Variants in ARPC2 observed in about 807,000 individuals in gnomAD.
ARPC2 encodes the protein actin-related protein 2/3 complex subunit 2.
ARPC2 carries 4 observed loss-of-function variants against 38.6 expected under a neutral mutation model. The observed-to-expected ratio is 0.10, with a 90% CI of 0.05 to 0.24. The LOEUF (loss-of-function observed/expected upper bound fraction) is 0.24. ARPC2 is among the 10% of genes least tolerant of loss of function. The pLI is 1.00. For missense variants in ARPC2, 229 were observed against 387.3 expected (o/e 0.59, Z 3.43); for synonymous variants, 125 against 140.8 (o/e 0.89, Z 0.79).
chr2:218,238,267 G>A (rs553149306), intron 5 of ARPC2, among the ~76,000 whole-genome samples: 1 of 152,252 alleles, frequency 6.6e-6, no homozygotes, highest in East Asian at 1.9e-4. Flanking sequence ...AGAAATATAT[G>A]TGGCTCCTTT....
At chr2:218,251,267 A>C (rs1484615506) in intron 10 of ARPC2, among the ~76,000 whole-genome samples, 2 of 152,202 alleles carry the variant, frequency 1.3e-5, no homozygotes, top group Non-Finnish European at 2.9e-5. Flanking sequence ...GCTGGAGTGC[A>C]GAGGCACAAT....
intron 7 of ARPC2, among the ~76,000 whole-genome samples, chr2:218,240,244 C>T (rs75266204): frequency 0.023 from 3,535 of 152,122 alleles, 112 homozygotes; most frequent in African/African-American, 0.079. Context: ...TGAGCCACCG[C>T]GCCCAGCCTG....
At chr2:218,217,404 C>A in intron 1 of ARPC2, 59 bp from the exon 2 acceptor site, 1 of 1,545,746 alleles carries the variant, frequency 6.5e-7, no homozygotes, top group Non-Finnish European at 8.9e-7. Context: ...CCGCTCCCTC[C>A]GTCCTTGCCT....
Position 218,243,623 on chromosome 2 carries a change from A to G in ARPC2, c.550-1797A>G, listed in dbSNP as rs1273282586. 2.6e-5 allele frequency among the ~76,000 whole-genome samples: 4 copies of G among 152,218 alleles called. No individual in the cohort carries two copies. The East Asian group carries it at 5.8e-4, about 22-fold the overall frequency. ...AACCCTGTTTCTACTTTAAAGGCCA[A>G]AAATTAGCCGGGAATGATGGCACAC... On this transcript the variant is annotated intron_variant, in intron 7 of 10. Coordinates refer to ENST00000315717, the MANE Select transcript of ARPC2 (RefSeq NM_152862.3).
At chr2:218,250,917 G>A (rs568743130) in intron 10 of ARPC2, among the ~76,000 whole-genome samples, 91 of 152,178 alleles carry the variant, frequency 6.0e-4, no homozygotes, top group African/African-American at 2.1e-3. Context: ...GCCCAGGCTG[G>A]AGTGCAGTGG....
chr2:218,224,786 G>GT (rs939179356), intron 2 of ARPC2, among the ~76,000 whole-genome samples: 6 of 152,154 alleles, frequency 3.9e-5, no homozygotes, highest in South Asian at 2.1e-4. Flanking sequence ...ATAGAAGCCA[G>GT]TTTTTTTGAA....
At chr2:218,233,164 CAATAAT>C (rs1311606468) in intron 4 of ARPC2, 1 of 151,828 alleles carries the variant, frequency 6.6e-6, no homozygotes, top group Non-Finnish European at 1.5e-5. Flanking sequence ...GCTTCCAAAA[CAATAAT>C]AATAATCGTA....
At chr2:218,251,273 A>G (rs2106161346) in intron 10 of ARPC2, among the ~76,000 whole-genome samples, 1 of 152,298 alleles carries the variant, frequency 6.6e-6, no homozygotes, top group South Asian at 2.1e-4. Flanking sequence ...GTGCAGAGGC[A>G]CAATCTTAGT....
At chr2:218,225,728 T>C (rs16858888) in intron 2 of ARPC2, among the ~76,000 whole-genome samples, 192 bp from the exon 3 acceptor site, 3,929 of 152,204 alleles carry the variant, frequency 0.026, 192 homozygotes, top group African/African-American at 0.089. Context: ...CCTTCCTTTT[T>C]TATCCTCTAC....
intron 7 of ARPC2, among the ~76,000 whole-genome samples, chr2:218,242,426 A>G (rs1422734225): frequency 6.6e-6 from 1 of 152,216 alleles, no homozygotes; most frequent in Admixed American, 6.5e-5. Flanking sequence ...ATGTTCAGGG[A>G]CAAAGACACA....
At chr2:218,219,016 G>A (rs1689324303) in intron 2 of ARPC2, among the ~76,000 whole-genome samples, 2 of 152,188 alleles carry the variant, frequency 1.3e-5, no homozygotes, top group Non-Finnish European at 2.9e-5. Flanking sequence ...TTTCTGAGCA[G>A]TGTAACACAT....
At position 218,217,450 on chromosome 2, in the gene ARPC2, C is replaced by T. The variant is rs1158768294; in HGVS notation, c.-8-13C>T. The T allele has an allele frequency of 2.5e-6, 4 of 1,613,292 alleles. No individual in the cohort carries two copies. Among genetic ancestry groups the T allele is most frequent in the Non-Finnish European group, 2.5e-6 (3 of 1,179,402 alleles). The stretch of plus-strand genomic sequence containing the variant: ...CCCTCACCGGCCCTTGTTTCTCCTT[C>T]CCCTGGGGGCAGCCGCCGCCATGAT... On this transcript the variant is annotated splice_polypyrimidine_tract_variant and intron_variant, in intron 1 of 10. Transcript: ENST00000315717.
At chr2:218,228,459 C>T (rs959439594) in intron 3 of ARPC2, among the ~76,000 whole-genome samples, 51 of 151,826 alleles carry the variant, frequency 3.4e-4, no homozygotes, top group African/African-American at 1.1e-3. Flanking sequence ...TTATACTGTT[C>T]GTTCTGCTTA....
At chr2:218,249,209 A>G (rs1455042945) in intron 8 of ARPC2, among the ~76,000 whole-genome samples, 155 bp from the exon 9 acceptor site, 1 of 152,144 alleles carries the variant, frequency 6.6e-6, no homozygotes, top group Non-Finnish European at 1.5e-5. Flanking sequence ...TTTAACTTCC[A>G]TGTCAAGAAA....
rs1357379105 is a variant in ARPC2, at chr2:218,221,611, C to CT, written c.74+4070dup. Among the ~76,000 whole-genome samples, 5 of 152,342 alleles carry CT rather than the reference C, an allele frequency of 3.3e-5. No individual in the cohort carries two copies. The East Asian group carries it at 9.6e-4, about 29-fold the overall frequency. ...GAGCTGGGTCTATCACTTTAATCAT[C>CT]TTTGTTTCCCCAGCATCCTCATTGT... On this transcript the variant is annotated intron_variant, in intron 2 of 10. Coordinates refer to ENST00000315717, the MANE Select transcript of ARPC2 (RefSeq NM_152862.3).
At chr2:218,235,873 G>C (rs1413982051) in intron 5 of ARPC2, 1 of 152,162 alleles carries the variant, frequency 6.6e-6, no homozygotes, top group Non-Finnish European at 1.5e-5. Context: ...TGAATTGCTT[G>C]AGCTCAGAAG....
In ARPC2 at chr2:218,246,713, G is replaced by A. The variant is rs1238010018; in HGVS notation, c.676+1167G>A. ...GGGCCAGGCACAGTGGCTCACACCTGTAATCCCAGCACTTTAAGAGGCCAA... is the reference window on the plus strand; with the variant it reads ...GGGCCAGGCACAGTGGCTCACACCTATAATCCCAGCACTTTAAGAGGCCAA... On this transcript the variant is annotated intron_variant, in intron 8 of 10. Coordinates refer to ENST00000315717, the MANE Select transcript of ARPC2 (RefSeq NM_152862.3). Among the ~76,000 whole-genome samples, 5 of 152,078 alleles carry A rather than the reference G, an allele frequency of 3.3e-5. No homozygotes were observed. In the South Asian group the frequency reaches 8.3e-4, roughly 25 times the overall value.
At chr2:218,241,965 T>C (rs1355994511) in intron 7 of ARPC2, among the ~76,000 whole-genome samples, 1 of 152,220 alleles carries the variant, frequency 6.6e-6, no homozygotes, top group Non-Finnish European at 1.5e-5. Flanking sequence ...AGGCCTGGAA[T>C]TGTAAATTTC....
At chr2:218,240,257 A>AC (rs1689881842) in intron 7 of ARPC2, among the ~76,000 whole-genome samples, 1 of 151,982 alleles carries the variant, frequency 6.6e-6, no homozygotes, top group Non-Finnish European at 1.5e-5. Flanking sequence ...CCAGCCTGAT[A>AC]TTTTTTTTCT....
Sources: allele counts gnomAD v4.1 joint callset (sites outside exome capture counted in the v4.1 genomes callset), GRCh38; gene constraint gnomAD v4.1.1; transcripts MANE v1.5; gene names NCBI Gene and HGNC (gene_info 2026-07-23, HGNC 2026-07-21).